Variants in METTL15 observed in about 807,000 individuals in gnomAD.
METTL15 encodes methyltransferase 15, mitochondrial 12S rRNA N4-cytidine.
In METTL15, 34 loss-of-function variants were observed where a neutral mutation model predicts 38.3. The observed-to-expected ratio is 0.89, with a 90% CI of 0.68 to 1.18. The LOEUF (loss-of-function observed/expected upper bound fraction) is 1.18, where lower values mean the gene tolerates loss of function less well. METTL15 is among the 50% of genes most tolerant of loss of function. The pLI, the probability that METTL15 is intolerant of heterozygous loss-of-function variation, is 0.00. For missense variants in METTL15, 438 were observed against 498.4 expected (o/e 0.88, Z 1.15); for synonymous variants, 162 against 170.9 (o/e 0.95, Z 0.41).
intron 6 of METTL15, among the ~76,000 whole-genome samples, chr11:28,305,090 C>A (rs1486622808): frequency 2.6e-5 from 4 of 152,088 alleles, no homozygotes; most frequent in Non-Finnish European, 5.9e-5. Flanking sequence ...TAGTGACATG[C>A]CAACTAAATT....
intron 4 of METTL15, among the ~76,000 whole-genome samples, chr11:28,216,830 C>T (rs759220996): frequency 1.1e-4 from 17 of 150,790 alleles, no homozygotes; most frequent in African/African-American, 2.9e-4. Flanking sequence ...TCTGTCCTTG[C>T]GATAGTTTGC....
intron 5 of METTL15, among the ~76,000 whole-genome samples, chr11:28,409,177 T>C (rs1850702541): frequency 6.6e-6 from 1 of 151,764 alleles, no homozygotes; most frequent in Non-Finnish European, 1.5e-5. Context: ...GGTCTGGAGA[T>C]CGAGACCATC....
chr11:28,513,794 C>T (rs1348507877), intron 6 of METTL15, among the ~76,000 whole-genome samples: 1 of 152,232 alleles, frequency 6.6e-6, no homozygotes. Flanking sequence ...AGGCACAGAT[C>T]GCTCATGCTA....
intron 3 of METTL15, among the ~76,000 whole-genome samples, chr11:28,195,758 G>A (rs1851886342): frequency 6.6e-6 from 1 of 151,994 alleles, no homozygotes; most frequent in Non-Finnish European, 1.5e-5. Context: ...ATTTGCCTTT[G>A]CATTCTTTGT....
At chr11:28,437,475 G>C (rs1850993724) in intron 6 of METTL15, among the ~76,000 whole-genome samples, 1 of 152,100 alleles carries the variant, frequency 6.6e-6, no homozygotes, top group South Asian at 2.1e-4. Flanking sequence ...TCCTTCAACT[G>C]GTCAGATGTT....
intron 6 of METTL15, among the ~76,000 whole-genome samples, chr11:28,497,264 C>T (rs10835348): frequency 0.12 from 17,951 of 152,244 alleles, 1,434 homozygotes; most frequent in East Asian, 0.3. Context: ...CTAGTGTTTG[C>T]TTCATGCACA....
intron 3 of METTL15, among the ~76,000 whole-genome samples, chr11:28,114,871 GT>G (rs2133591879): frequency 6.6e-6 from 1 of 152,276 alleles, no homozygotes; most frequent in African/African-American, 2.4e-5. Flanking sequence ...GAGTTGATTG[GT>G]TTTGTCAAAT....
At chr11:28,528,134 A>G (rs1443458259), downstream of METTL15, among the ~76,000 whole-genome samples, 2 of 152,212 alleles carry the variant, frequency 1.3e-5, no homozygotes. Flanking sequence ...CCCATGTTAA[A>G]CCTGAGTTAT....
chr11:28,123,842 G>A (rs1428987880), intron 3 of METTL15: 5 of 1,411,458 alleles, frequency 3.5e-6, no homozygotes, highest in African/African-American at 1.5e-5. Context: ...TTTGTTACAT[G>A]TATTTTTCTT....
intron 3 of METTL15, among the ~76,000 whole-genome samples, chr11:28,119,373 C>G (rs750875939): frequency 2.0e-5 from 3 of 152,130 alleles, no homozygotes; most frequent in African/African-American, 7.2e-5. Context: ...AACTAGAAGA[C>G]AGATGTGAGG....
intron 6 of METTL15, among the ~76,000 whole-genome samples, chr11:28,432,242 G>C (rs1249286146): frequency 1.3e-5 from 2 of 152,164 alleles, no homozygotes; most frequent in Non-Finnish European, 2.9e-5. Context: ...AAAAGAAAAG[G>C]CAACTTGCTG....
intron 6 of METTL15, among the ~76,000 whole-genome samples, chr11:28,435,998 A>G (rs1453215359): frequency 6.6e-6 from 1 of 152,242 alleles, no homozygotes; most frequent in African/African-American, 2.4e-5. Context: ...TAGAATAGCT[A>G]GTCTTTAATT....
intron 6 of METTL15, among the ~76,000 whole-genome samples, chr11:28,452,011 A>C (rs1291762220): frequency 6.6e-6 from 1 of 152,230 alleles, no homozygotes; most frequent in Non-Finnish European, 1.5e-5. Context: ...GTTAGTTGGT[A>C]TAATGAAGAG....
intron 3 of METTL15, among the ~76,000 whole-genome samples, chr11:28,162,849 G>A (rs1850516159): frequency 6.6e-6 from 1 of 152,022 alleles, no homozygotes; most frequent in African/African-American, 2.4e-5. Context: ...GGTATTCAAG[G>A]TATGGTTTTG....
intron 6 of METTL15, among the ~76,000 whole-genome samples, chr11:28,428,486 C>T (rs1850884384): frequency 6.6e-6 from 1 of 152,174 alleles, no homozygotes; most frequent in Non-Finnish European, 1.5e-5. Flanking sequence ...ATATAATACA[C>T]TTAGTTCTAT....
At chr11:28,267,979 C>T (rs1372786556) in intron 4 of METTL15, among the ~76,000 whole-genome samples, 4 of 151,854 alleles carry the variant, frequency 2.6e-5, no homozygotes, top group Non-Finnish European at 4.4e-5. Context: ...GGGTGGATCA[C>T]GAGGTCAGGA....
rs562248764 is a variant in METTL15 at position 28,175,933 on chromosome 11, G to A, written c.271-35129G>A. ...CAAATATATATATATATATGTATAG[G>A]CATATAATTTTTTAGATGATGAGAT... On this transcript the variant is annotated intron_variant, in intron 3 of 6. Transcript: ENST00000407364. 2.0e-5 allele frequency among the ~76,000 whole-genome samples: 3 copies of A among 151,730 alleles called. No individual in the cohort carries two copies. In the South Asian group the frequency reaches 6.2e-4, roughly 32 times the overall value.
chr11:28,184,320 A>G (rs889977232), intron 3 of METTL15, among the ~76,000 whole-genome samples: 2 of 151,370 alleles, frequency 1.3e-5, no homozygotes, highest in Non-Finnish European at 3.0e-5. Flanking sequence ...ACTGCTTGCT[A>G]TTGCTTCTCT....
intron 6 of METTL15, among the ~76,000 whole-genome samples, chr11:28,472,270 A>G (rs1254996403): frequency 2.0e-5 from 3 of 152,150 alleles, no homozygotes; most frequent in Admixed American, 2.0e-4. Context: ...GAAGTTCACC[A>G]CTGATAGATA....
Sources: allele counts gnomAD v4.1 joint callset (sites outside exome capture counted in the v4.1 genomes callset), GRCh38; gene constraint gnomAD v4.1.1; transcripts MANE v1.5; gene names NCBI Gene and HGNC (gene_info 2026-07-23, HGNC 2026-07-21).